Variants in SUMF1 observed in about 807,000 individuals in gnomAD.
The protein encoded by SUMF1 is sulfatase modifying factor 1, also known as formylglycine-generating enzyme.
SUMF1 carries 48 observed loss-of-function variants against 47.6 expected under a neutral mutation model. The ratio of observed to expected loss-of-function variants is 1.01; its 90% CI spans 0.80 to 1.28. The LOEUF (loss-of-function observed/expected upper bound fraction) is 1.28. SUMF1 is among the 50% of genes most tolerant of loss of function. SUMF1 has a pLI of 0.00. For missense variants in SUMF1, 571 were observed against 485.4 expected (o/e 1.18, Z -1.66); for synonymous variants, 230 against 192.1 (o/e 1.20, Z -1.63).
intron 8 of SUMF1, among the ~76,000 whole-genome samples, chr3:4,334,811 G>A (rs899448131): frequency 2.0e-5 from 3 of 152,176 alleles, no homozygotes; most frequent in African/African-American, 7.2e-5. Context: ...GCCCTGATGG[G>A]AATTTTAACT....
At chr3:4,375,820 T>C (rs1700309050) in intron 8 of SUMF1, among the ~76,000 whole-genome samples, 1 of 152,164 alleles carries the variant, frequency 6.6e-6, no homozygotes, top group African/African-American at 2.4e-5. Flanking sequence ...GCTCAGACAC[T>C]AAAATCATAG....
intron 8 of SUMF1, among the ~76,000 whole-genome samples, chr3:4,069,475 T>C (rs1467910489): frequency 6.6e-6 from 1 of 152,192 alleles, no homozygotes; most frequent in Non-Finnish European, 1.5e-5. Context: ...CAATGGAGAA[T>C]GTTCATGAGC....
chr3:4,063,588 CT>C (rs1695315575), intron 9 of SUMF1, among the ~76,000 whole-genome samples: 1 of 151,500 alleles, frequency 6.6e-6, no homozygotes, highest in Non-Finnish European at 1.5e-5. Context: ...AAAACCCAAC[CT>C]GTCCTTTCCC....
chr3:4,213,218 C>G (rs1695838656), intron 8 of SUMF1, among the ~76,000 whole-genome samples: 1 of 152,138 alleles, frequency 6.6e-6, no homozygotes, highest in Non-Finnish European at 1.5e-5. Context: ...AATCTCTCTG[C>G]AGAAACCCTA....
At chr3:4,417,828 G>A (rs1459738606) in intron 5 of SUMF1, among the ~76,000 whole-genome samples, 182 bp downstream of exon 5, 1 of 152,154 alleles carries the variant, frequency 6.6e-6, no homozygotes, top group African/African-American at 2.4e-5. Flanking sequence ...TTGGTTTAGG[G>A]GTGATAAAAG....
intron 8 of SUMF1, among the ~76,000 whole-genome samples, chr3:4,111,716 C>A (rs189337525): frequency 6.6e-6 from 1 of 151,728 alleles, no homozygotes; most frequent in Admixed American, 6.6e-5. Context: ...TGCAGCCTGG[C>A]GACAGAGCTA....
Position 4,137,292 on chromosome 3 carries a change from A to G in SUMF1, c.1015-68547T>C, listed in dbSNP as rs574105834. The stretch of plus-strand genomic sequence containing the variant: ...ATACACCATGGAATACTCTGCAGCC[A>G]TAAAAAAGGATGAGTTCACGTCCTT... On this transcript the variant is annotated intron_variant and NMD_transcript_variant, in intron 8 of 12. Transcript: ENST00000448413. 1.2e-4 allele frequency among the ~76,000 whole-genome samples: 19 copies of G among 152,258 alleles called. 1 individual carries two copies. In the South Asian group the frequency reaches 3.7e-3, roughly 30 times the overall value.
At chr3:4,097,966 C>T (rs1692943532) in intron 8 of SUMF1, among the ~76,000 whole-genome samples, 1 of 152,136 alleles carries the variant, frequency 6.6e-6, no homozygotes. Context: ...CTGATCAACA[C>T]CCTGACTACT....
At chr3:4,072,456 G>C (rs943153004) in intron 8 of SUMF1, among the ~76,000 whole-genome samples, 1 of 152,080 alleles carries the variant, frequency 6.6e-6, no homozygotes, top group African/African-American at 2.4e-5. Flanking sequence ...TCACCAGCAA[G>C]GGAACAAAAC....
intron 8 of SUMF1, among the ~76,000 whole-genome samples, chr3:4,309,391 A>G (rs1288959288): frequency 6.6e-6 from 1 of 152,068 alleles, no homozygotes; most frequent in African/African-American, 2.4e-5. Flanking sequence ...GGGATTTAGA[A>G]TTTTATTTTT....
At chr3:4,399,703 A>C (rs1701146707) in intron 7 of SUMF1, among the ~76,000 whole-genome samples, 1 of 152,226 alleles carries the variant, frequency 6.6e-6, no homozygotes, top group Non-Finnish European at 1.5e-5. Flanking sequence ...ACAGGATGCC[A>C]ACTCTGGCAG....
intron 8 of SUMF1, among the ~76,000 whole-genome samples, chr3:4,127,008 T>G (rs1434148404): frequency 2.0e-5 from 3 of 152,104 alleles, no homozygotes; most frequent in Admixed American, 6.5e-5. Flanking sequence ...GACCAAAAAG[T>G]AAAGATTGCT....
chr3:4,179,458 G>A (rs908978583), intron 8 of SUMF1, among the ~76,000 whole-genome samples: 15 of 152,256 alleles, frequency 9.9e-5, no homozygotes, highest in Admixed American at 9.2e-4. Context: ...TTTAATAAAT[G>A]GTGCTGGGAA....
chr3:4,458,196 G>C (rs928129237), intron 1 of SUMF1, among the ~76,000 whole-genome samples: 2 of 152,192 alleles, frequency 1.3e-5, no homozygotes, highest in African/African-American at 4.8e-5. Flanking sequence ...CCTCACACCT[G>C]TTAGAATAGC....
intron 8 of SUMF1, among the ~76,000 whole-genome samples, chr3:4,265,266 A>G (rs893600388): frequency 6.6e-6 from 1 of 152,130 alleles, no homozygotes; most frequent in African/African-American, 2.4e-5. Flanking sequence ...GTTTTCTAAG[A>G]ATCTCAATGT....
intron 3 of SUMF1, among the ~76,000 whole-genome samples, chr3:4,430,006 G>A (rs2125069075): frequency 6.6e-6 from 1 of 152,300 alleles, no homozygotes; most frequent in South Asian, 2.1e-4. Context: ...GGAAGGATCT[G>A]AGAAGATATC....
At chr3:4,376,532 C>A in intron 7 of SUMF1, 143 bp from the exon 8 acceptor site, 1 of 857,594 alleles carries the variant, frequency 1.2e-6, no homozygotes, top group South Asian at 1.4e-5. Flanking sequence ...GGCTTTGTAT[C>A]TGTATTCGTG....
intron 1 of SUMF1, among the ~76,000 whole-genome samples, chr3:4,453,322 T>A (rs1385305669): frequency 6.6e-6 from 1 of 152,024 alleles, no homozygotes. Flanking sequence ...GGAATAACAG[T>A]CACCAAGCCG....
At chr3:4,071,208 A>G (rs889833568) in intron 8 of SUMF1, among the ~76,000 whole-genome samples, 1 of 151,062 alleles carries the variant, frequency 6.6e-6, no homozygotes, top group African/African-American at 2.4e-5. Context: ...GAACAGCTCC[A>G]GTCTGCAGCT....
Sources: allele counts gnomAD v4.1 joint callset (sites outside exome capture counted in the v4.1 genomes callset), GRCh38; gene constraint gnomAD v4.1.1; transcripts MANE v1.5; gene names NCBI Gene and HGNC (gene_info 2026-07-23, HGNC 2026-07-21).